The following CHST8 variants were observed in gnomAD, a reference collection of about 807,000 sequenced individuals.
The protein encoded by CHST8 is GALNAC-4-ST1.
A neutral mutation model predicts 15.0 loss-of-function variants in CHST8; 10 were observed. That is an observed-to-expected ratio of 0.67 (90% CI 0.41 to 1.13). The LOEUF (loss-of-function observed/expected upper bound fraction) is 1.13, where lower values mean the gene tolerates loss of function less well. CHST8 is among the 50% of genes most tolerant of loss of function. The pLI, the probability that CHST8 is intolerant of heterozygous loss-of-function variation, is 0.00. For missense variants in CHST8, 634 were observed against 608.2 expected (o/e 1.04, Z -0.45); for synonymous variants, 259 against 256.6 (o/e 1.01, Z -0.09).
chr19:33,719,062 C>T (rs1194314169), intron 3 of CHST8, among the ~76,000 whole-genome samples: 1 of 152,026 alleles, frequency 6.6e-6, no homozygotes, highest in Non-Finnish European at 1.5e-5. Flanking sequence ...AGCCTCCTCT[C>T]CCCCACCCCC....
At chr19:33,749,024 G>T (rs1338265476) in intron 3 of CHST8, among the ~76,000 whole-genome samples, 1 of 152,308 alleles carries the variant, frequency 6.6e-6, no homozygotes, top group Middle Eastern at 3.4e-3. Context: ...TGTGAGATGA[G>T]GCCTGGGTGG....
At chr19:33,747,103 T>C (rs748965172) in intron 3 of CHST8, among the ~76,000 whole-genome samples, 3 of 152,176 alleles carry the variant, frequency 2.0e-5, no homozygotes, top group Non-Finnish European at 2.9e-5. Flanking sequence ...AAGCATATGT[T>C]TGACTCCAGG....
intron 3 of CHST8, among the ~76,000 whole-genome samples, chr19:33,713,319 C>T (rs1973596405): frequency 6.6e-6 from 1 of 152,086 alleles, no homozygotes. Flanking sequence ...ATTGGCTCCC[C>T]TGGTAGGCCA....
chr19:33,664,375 G>A (rs1033467694), intron 1 of CHST8, among the ~76,000 whole-genome samples: 9 of 150,286 alleles, frequency 6.0e-5, no homozygotes, highest in Admixed American at 2.0e-4. Flanking sequence ...ATGCTGATGC[G>A]CTGCACCCAC....
At chr19:33,680,265 A>G (rs1972868144) in intron 2 of CHST8, among the ~76,000 whole-genome samples, 1 of 152,258 alleles carries the variant, frequency 6.6e-6, no homozygotes, top group Admixed American at 6.5e-5. Context: ...ACAAATAATG[A>G]TAAATACCTG....
At chr19:33,686,168 C>T (rs946701815) in intron 2 of CHST8, among the ~76,000 whole-genome samples, 2 of 152,094 alleles carry the variant, frequency 1.3e-5, no homozygotes, top group African/African-American at 4.8e-5. Flanking sequence ...TGTTCGTGTT[C>T]TCTCGGGGGC....
In CHST8 at chr19:33,696,351, C is replaced by T. The variant is rs1973217651; in HGVS notation, c.130+6960C>T. ...CCAACCCCTGCGTTAGGACCCAGGCCGCACAGTAAGAGGTGAGTGGTGCGC... is the reference window on the plus strand; with the variant it reads ...CCAACCCCTGCGTTAGGACCCAGGCTGCACAGTAAGAGGTGAGTGGTGCGC... On this transcript the variant is annotated intron_variant, in intron 3 of 4. Transcript: ENST00000650847. 2.0e-5 allele frequency among the ~76,000 whole-genome samples: 3 copies of T among 151,868 alleles called. 1 individual carries two copies. Among genetic ancestry groups the T allele is most frequent in the South Asian group, 4.2e-4 (2 of 4,812 alleles).
chr19:33,706,545 G>A (rs1287234962), intron 3 of CHST8, among the ~76,000 whole-genome samples: 1 of 152,134 alleles, frequency 6.6e-6, no homozygotes, highest in Non-Finnish European at 1.5e-5. Flanking sequence ...GGCAGGCAGG[G>A]GCAAATGACT....
At position 33,722,858 on chromosome 19, in the gene CHST8, A is replaced by C. The variant is rs565265216; in HGVS notation, c.130+33467A>C. ...CTCAGCCTCTGCAGCTGCTGATATG[A>C]ATACACTAAGTGGATCAATAACATG... On this transcript the variant is annotated intron_variant, in intron 3 of 4. Transcript: ENST00000650847. Among the ~76,000 whole-genome samples the C allele has an allele frequency of 2.0e-5, 3 of 152,316 alleles. No individual in the cohort carries two copies. In the East Asian group the frequency reaches 5.8e-4, roughly 29 times the overall value.
chr19:33,747,853 A>G (rs1056740420), intron 3 of CHST8, among the ~76,000 whole-genome samples: 1 of 152,216 alleles, frequency 6.6e-6, no homozygotes, highest in Non-Finnish European at 1.5e-5. Context: ...TAACTGACAC[A>G]CAAGGGGGGT....
Position 33,689,266 on chromosome 19 carries a change from C to T in CHST8, c.5C>T (p.Thr2Ile), listed in dbSNP as rs1360297743. M[T>I]LRPGTMRLAC... Reference sequence around the variant, plus strand: ...TGACCCCTGAGCCAGCCCCGGATGACCCTGCGACCTGGAACAATGCGGCTG... The same window carrying T: ...TGACCCCTGAGCCAGCCCCGGATGATCCTGCGACCTGGAACAATGCGGCTG... The change falls in exon 3 of 5, where the codon ACC (threonine) becomes ATC (isoleucine). Residue 2 changes from threonine to isoleucine, a missense_variant. By Grantham distance (89) the Thr-to-Ile change is moderately conservative (BLOSUM62 -1). Coordinates refer to ENST00000650847, the MANE Select transcript of CHST8 (RefSeq NM_001127895.2). The T allele has an allele frequency of 1.3e-6, 2 of 1,589,682 alleles. No homozygotes were observed. The highest frequency in any genetic ancestry group is 1.7e-4 in the Middle Eastern group (1 of 5,960).
chr19:33,661,245 G>A (rs1255814097), intron 1 of CHST8, among the ~76,000 whole-genome samples: 2 of 152,236 alleles, frequency 1.3e-5, no homozygotes, highest in Admixed American at 1.3e-4. Context: ...CTGGGAAGAA[G>A]GAGAGCAGGT....
intron 1 of CHST8, among the ~76,000 whole-genome samples, chr19:33,656,219 T>A (rs77740250): frequency 0.024 from 3,702 of 152,274 alleles, 133 homozygotes; most frequent in African/African-American, 0.081. Context: ...ATACATTTTT[T>A]AAAAATTACC....
At chr19:33,690,492 T>A (rs1261680317) in intron 3 of CHST8, among the ~76,000 whole-genome samples, 2 of 151,588 alleles carry the variant, frequency 1.3e-5, no homozygotes, top group Non-Finnish European at 1.5e-5. Flanking sequence ...GGAAGGAAGG[T>A]GAAAAGAGCA....
At chr19:33,705,788 G>T (rs903708841) in intron 3 of CHST8, among the ~76,000 whole-genome samples, 1 of 152,134 alleles carries the variant, frequency 6.6e-6, no homozygotes, top group Non-Finnish European at 1.5e-5. Flanking sequence ...CCCAGCAAGG[G>T]ACTCTGCAGA....
At chr19:33,717,810 A>G in intron 3 of CHST8, among the ~76,000 whole-genome samples, 1 of 152,082 alleles carries the variant, frequency 6.6e-6, no homozygotes, top group Middle Eastern at 3.2e-3. Context: ...GTGTCATATG[A>G]AACTACTGCC....
chr19:33,765,070 A>ATATATATATATATGTATG lies in CHST8; in HGVS notation c.131-6340_131-6339insATATATATATGTATGTAT, dbSNP rs71181381. On this transcript the variant is annotated intron_variant, in intron 3 of 4. Transcript: ENST00000650847. ...TATTCCATCATATATATATATATATATATCAGAGTTTCTTTATCCACTCGT... is the reference window on the plus strand; with the variant it reads ...TATTCCATCATATATATATATATATATATATATATATATGTATGTATCAGAGTTTCTTTATCCACTCGT... 9.7e-5 allele frequency among the ~76,000 whole-genome samples: 11 copies of ATATATATATATATGTATG among 113,154 alleles called. 1 individual carries two copies. Among genetic ancestry groups the ATATATATATATATGTATG allele is most frequent in the African/African-American group, 3.8e-4 (9 of 23,780 alleles). The allele number at this position is 113,154 out of a possible 152,430, so 74.2% of individuals were successfully genotyped here. A position where few individuals can be genotyped will look rare whatever the true frequency, so the allele number is the denominator to read the frequency against.
chr19:33,636,324 G>A (rs1043940022), intron 1 of CHST8, among the ~76,000 whole-genome samples: 2 of 152,160 alleles, frequency 1.3e-5, no homozygotes, highest in East Asian at 3.8e-4. Context: ...CTTCTCTTAG[G>A]ATGTGGAATA....
intron 3 of CHST8, among the ~76,000 whole-genome samples, chr19:33,718,868 G>A (rs535562128): frequency 5.8e-4 from 88 of 152,330 alleles, no homozygotes; most frequent in African/African-American, 2.0e-3. Context: ...GAGAGAGAGA[G>A]CTGTGGGCGG....
Sources: allele counts gnomAD v4.1 joint callset (sites outside exome capture counted in the v4.1 genomes callset), GRCh38; gene constraint gnomAD v4.1.1; transcripts MANE v1.5; gene names NCBI Gene and HGNC (gene_info 2026-07-23, HGNC 2026-07-21).